Variants in VAPA observed in about 807,000 individuals in gnomAD.
The protein encoded by VAPA is vesicle-associated membrane protein-associated protein A.
Under a neutral mutation model 25.6 loss-of-function variants are expected in VAPA, and 6 were observed. The ratio of observed to expected loss-of-function variants is 0.23; its 90% CI spans 0.13 to 0.46. The LOEUF is 0.46. Among genes scored for constraint, VAPA ranks in the 20% least tolerant of loss-of-function variants. VAPA has a pLI of 0.99. For synonymous variants in VAPA, 112 were observed against 106.2 expected, an observed-to-expected ratio of 1.05 and a Z score of -0.34; for missense variants, 244 against 302.1, an observed-to-expected ratio of 0.81 and a Z score of 1.43.
chr18:9,944,882 G>A (rs1041354164), intron 4 of VAPA: 16 of 1,600,978 alleles, frequency 1.0e-5, no homozygotes, highest in African/African-American at 2.7e-5. Context: ...AGAAATCAGA[G>A]TTCGGTGAGA....
At chr18:9,917,807 C>T (rs1319459179) in intron 1 of VAPA, among the ~76,000 whole-genome samples, 6 of 145,148 alleles carry the variant, frequency 4.1e-5, no homozygotes, top group Non-Finnish European at 8.8e-5. Flanking sequence ...CAGCACGGGG[C>T]GGGGGGGAAA....
intron 1 of VAPA, among the ~76,000 whole-genome samples, chr18:9,915,267 A>C (rs556070230): frequency 6.6e-6 from 1 of 152,286 alleles, no homozygotes; most frequent in South Asian, 2.1e-4. Flanking sequence ...AGATCCTGAG[A>C]AGGCTGATAA....
rs1650391888 is a variant in VAPA, at chr18:9,931,855, C to A, written c.125C>A (p.Pro42Gln). ...ACTACAAATCTTAAATTGCGAAATC[C>A]ATCGGATAGAAAAGTGTGTTTCAAA... ...VVTTNLKLRN[P>Q]SDRKVCFKVK... The change falls in exon 2 of 6, where the codon CCA becomes CAA. Residue 42 changes from proline (P) to glutamine (Q), a missense_variant. Pro to Gln is a moderately conservative substitution (Grantham distance 76). Around this residue, in one of 2 missense-constraint regions of VAPA, gnomAD observed 99 missense variants for 161.6 expected, o/e 0.61. Transcript: ENST00000400000. 4 of 1,613,840 alleles carry A rather than the reference C, an allele frequency of 2.5e-6. No individual in the cohort carries two copies. The highest frequency in any genetic ancestry group is 3.4e-6 in the Non-Finnish European group (4 of 1,179,848).
chr18:9,921,682 T>C (rs1332556319), intron 1 of VAPA, among the ~76,000 whole-genome samples: 2 of 152,206 alleles, frequency 1.3e-5, no homozygotes, highest in Non-Finnish European at 2.9e-5. Context: ...TGGAAGTTGA[T>C]ACAGGATGGA....
chr18:9,919,924 C>A (rs9949913), intron 1 of VAPA, among the ~76,000 whole-genome samples: 4,705 of 152,204 alleles, frequency 0.031, 250 homozygotes, highest in African/African-American at 0.11. Flanking sequence ...GTGGTGACCC[C>A]TTGGACTGAG....
At chr18:9,918,507 A>C (rs948931039) in intron 1 of VAPA, among the ~76,000 whole-genome samples, 1 of 152,182 alleles carries the variant, frequency 6.6e-6, no homozygotes, top group African/African-American at 2.4e-5. Flanking sequence ...TCTTGACAGT[A>C]CCGACAGTTT....
chr18:9,922,080 C>T (rs571076100), intron 1 of VAPA, among the ~76,000 whole-genome samples: 14 of 152,156 alleles, frequency 9.2e-5, no homozygotes, highest in African/African-American at 3.1e-4. Flanking sequence ...AGGGCCCAAG[C>T]GATCCTTCTG....
chr18:9,949,557 G>C (rs1247281033), intron 4 of VAPA: 2 of 152,132 alleles, frequency 1.3e-5, no homozygotes, highest in African/African-American at 4.8e-5. Context: ...TTTTTTAGCA[G>C]TTTATAGCTG....
chr18:9,930,600 C>T (rs3025604), intron 1 of VAPA, among the ~76,000 whole-genome samples: 4 of 151,786 alleles, frequency 2.6e-5, no homozygotes, highest in South Asian at 4.1e-4. Flanking sequence ...GTTGAAGAAG[C>T]AGCAAGGGTT....
intron 1 of VAPA, among the ~76,000 whole-genome samples, chr18:9,922,221 C>T (rs1359845634): frequency 6.6e-6 from 1 of 152,148 alleles, no homozygotes; most frequent in Non-Finnish European, 1.5e-5. Flanking sequence ...CCTCCTGCCT[C>T]AGCCTCCCAA....
At chr18:9,942,367 A>G (rs535913419) in intron 4 of VAPA, among the ~76,000 whole-genome samples, 11 of 152,178 alleles carry the variant, frequency 7.2e-5, no homozygotes, top group South Asian at 2.1e-4. Context: ...TGCAATAGCT[A>G]TCATAATTGT....
intron 1 of VAPA, among the ~76,000 whole-genome samples, chr18:9,915,512 CT>C (rs953901538): frequency 5.3e-5 from 8 of 151,812 alleles, no homozygotes; most frequent in Non-Finnish European, 8.8e-5. Context: ...TCCTTCCTAT[CT>C]TTAGTTAAGT....
intron 1 of VAPA, among the ~76,000 whole-genome samples, chr18:9,919,118 C>T (rs550589088): frequency 9.9e-4 from 150 of 152,226 alleles, no homozygotes; most frequent in African/African-American, 3.2e-3. Context: ...CCTGACCTTG[C>T]GTGATCCTCC....
intron 4 of VAPA, among the ~76,000 whole-genome samples, chr18:9,945,910 G>T (rs536001635): frequency 3.3e-5 from 5 of 152,008 alleles, no homozygotes; most frequent in Middle Eastern, 3.4e-3. Context: ...CCTTAATTTT[G>T]CCTCTCTCGG....
At chr18:9,953,409 TAC>T (rs781685450) in intron 5 of VAPA, among the ~76,000 whole-genome samples, 39 of 152,256 alleles carry the variant, frequency 2.6e-4, no homozygotes, top group Non-Finnish European at 5.0e-4. Context: ...GCTACCACTT[TAC>T]ACACAGCCCT....
At position 9,931,795 on chromosome 18, in the gene VAPA, T is replaced by A. The variant is rs768517266; in HGVS notation, c.80-15T>A. ...AATTAAATTTTGTTTTCTCTTTAAT[T>A]TTTAAACTTTACAGGCCCCTTCACA... On this transcript the variant is annotated splice_polypyrimidine_tract_variant and intron_variant, in intron 1 of 5. Transcript: ENST00000400000. 25 of 1,584,040 alleles carry A rather than the reference T, an allele frequency of 1.6e-5. No individual in the cohort carries two copies. The highest frequency in any genetic ancestry group is 2.0e-5 in the Non-Finnish European group (23 of 1,168,494).
intron 1 of VAPA, among the ~76,000 whole-genome samples, chr18:9,915,977 A>G (rs2069108740): frequency 6.6e-6 from 1 of 151,636 alleles, no homozygotes; most frequent in African/African-American, 2.4e-5. Context: ...GTAAATCTGT[A>G]TGGTGTGTTT....
chr18:9,930,288 A>G (rs29170), intron 1 of VAPA, among the ~76,000 whole-genome samples: 1 of 152,280 alleles, frequency 6.6e-6, no homozygotes, highest in Admixed American at 6.5e-5. Flanking sequence ...TCATGTTACT[A>G]AGAAATTGGA....
chr18:9,915,891 G>A (rs1014693837), intron 1 of VAPA: 2 of 152,170 alleles, frequency 1.3e-5, no homozygotes, highest in Admixed American at 6.5e-5. Flanking sequence ...TGATTTTTAC[G>A]TAGTTGTAGC....
Sources: gnomAD v4.1 joint callset for allele counts (sites outside exome capture counted in the v4.1 genomes callset) on GRCh38, gnomAD v4.1.1 for gene constraint, gnomAD v4.1.1 regional missense constraint, MANE v1.5 for transcripts, NCBI Gene and HGNC (gene_info 2026-07-23, HGNC 2026-07-21) for gene names.